Variants in WDPCP observed in about 807,000 individuals in gnomAD.
WDPCP encodes the protein WD repeat containing planar cell polarity effector.
WDPCP carries 71 observed loss-of-function variants against 93.1 expected under a neutral mutation model. The ratio of observed to expected loss-of-function variants is 0.76; its 90% CI spans 0.63 to 0.93. The LOEUF (loss-of-function observed/expected upper bound fraction) is 0.93, where lower values mean the gene tolerates loss of function less well. Among genes scored for constraint, WDPCP ranks in the 40% least tolerant of loss-of-function variants. The pLI, the probability that WDPCP is intolerant of heterozygous loss-of-function variation, is 0.00. For missense variants in WDPCP, 844 were observed against 887.4 expected (o/e 0.95, Z 0.62); for synonymous variants, 315 against 315.0 (o/e 1.00, Z 0.00).
chr2:63,837,482 G>C, the WDPCP span, among the ~76,000 whole-genome samples: 1 of 152,152 alleles, frequency 6.6e-6, no homozygotes, highest in African/African-American at 2.4e-5. Context: ...AACACTTTGG[G>C]CATGACACAG....
chr2:63,589,186 TG>T (rs1558855602), upstream of WDPCP: 1 of 1,604,472 alleles, frequency 6.2e-7, no homozygotes, highest in South Asian at 1.1e-5. Context: ...ACTCATCTTC[TG>T]GGGATTGCCG....
intron 2 of WDPCP, among the ~76,000 whole-genome samples, chr2:63,654,590 CT>C (rs1467732485): frequency 6.6e-6 from 1 of 152,168 alleles, no homozygotes; most frequent in Non-Finnish European, 1.5e-5. Flanking sequence ...GGAACATGTT[CT>C]TTAGCCACAT....
intron 3 of WDPCP, among the ~76,000 whole-genome samples, chr2:63,636,496 G>T (rs166384): frequency 0.79 from 120,203 of 152,082 alleles, 47,976 homozygotes; most frequent in East Asian, 0.98. Flanking sequence ...ATGTGAAATG[G>T]TGCAATCATG....
At chr2:63,286,388 C>G (rs1428151610) in intron 13 of WDPCP, among the ~76,000 whole-genome samples, 1 of 152,180 alleles carries the variant, frequency 6.6e-6, no homozygotes, top group Non-Finnish European at 1.5e-5. Context: ...TAATCTCCCC[C>G]ACCCTTAAGA....
intron 14 of WDPCP, among the ~76,000 whole-genome samples, chr2:63,189,354 ACT>A (rs1674870899): frequency 6.6e-6 from 1 of 151,950 alleles, no homozygotes; most frequent in African/African-American, 2.4e-5. Flanking sequence ...AATGCAATGA[ACT>A]CTCTTACCCT....
At chr2:63,761,507 C>T (rs868769417) in intron 2 of WDPCP, among the ~76,000 whole-genome samples, 10 of 152,082 alleles carry the variant, frequency 6.6e-5, no homozygotes, top group Non-Finnish European at 1.0e-4. Context: ...GTTTATTAAG[C>T]ATTAACTCAC....
At chr2:63,775,862 T>C (rs1670294194) in intron 2 of WDPCP, among the ~76,000 whole-genome samples, 1 of 152,182 alleles carries the variant, frequency 6.6e-6, no homozygotes, top group African/African-American at 2.4e-5. Context: ...CAAGACTTAC[T>C]GAATGAGGAT....
At chr2:63,739,921 A>G (rs1669690528) in intron 2 of WDPCP, among the ~76,000 whole-genome samples, 1 of 151,770 alleles carries the variant, frequency 6.6e-6, no homozygotes, top group Non-Finnish European at 1.5e-5. Flanking sequence ...CCACTATTTA[A>G]TGGGTTTTTG....
intron 14 of WDPCP, among the ~76,000 whole-genome samples, chr2:63,207,763 A>C (rs1574875528): frequency 6.6e-6 from 1 of 151,982 alleles, no homozygotes; most frequent in Admixed American, 6.6e-5. Context: ...TACTACTATA[A>C]AGTTTTTTTC....
chr2:63,480,549 T>C (rs1011079031), intron 6 of WDPCP, among the ~76,000 whole-genome samples: 1 of 152,092 alleles, frequency 6.6e-6, no homozygotes, highest in Admixed American at 6.6e-5. Context: ...CATAGACCAA[T>C]GGAACAGAAT....
chr2:63,313,876 A>ATGTGTG (rs1559312010), intron 12 of WDPCP, among the ~76,000 whole-genome samples: 19 of 4,052 alleles, frequency 4.7e-3, no homozygotes, highest in African/African-American at 0.038. Flanking sequence ...ATATATATAT[A>ATGTGTG]TATATATATA....
At chr2:63,306,691 C>G (rs529678679) in intron 13 of WDPCP, among the ~76,000 whole-genome samples, 1 of 152,234 alleles carries the variant, frequency 6.6e-6, no homozygotes, top group African/African-American at 2.4e-5. Flanking sequence ...AAATTCAACA[C>G]CACTTCATGC....
chr2:63,388,875 G>A (rs1692972060), intron 10 of WDPCP, among the ~76,000 whole-genome samples: 1 of 152,132 alleles, frequency 6.6e-6, no homozygotes, highest in South Asian at 2.1e-4. Flanking sequence ...AACGAATAAA[G>A]ACTCCAAGAA....
chr2:63,221,339 A>G (rs1677813871), intron 14 of WDPCP, among the ~76,000 whole-genome samples: 1 of 152,240 alleles, frequency 6.6e-6, no homozygotes, highest in Non-Finnish European at 1.5e-5. Flanking sequence ...AATTGCATAC[A>G]TAAACTGTGG....
intron 1 of WDPCP, among the ~76,000 whole-genome samples, chr2:63,578,344 A>G (rs1708255149): frequency 6.6e-6 from 1 of 152,236 alleles, no homozygotes; most frequent in South Asian, 2.1e-4. Flanking sequence ...ACCTACAGAC[A>G]GCGCACAGCT....
chr2:63,282,893 C>G (rs553142622), intron 13 of WDPCP, among the ~76,000 whole-genome samples: 2 of 152,168 alleles, frequency 1.3e-5, no homozygotes, highest in Non-Finnish European at 2.9e-5. Flanking sequence ...TCCCAAAACA[C>G]TTTAAATCAT....
At chr2:63,407,591 ACT>A (rs1694687674) in intron 9 of WDPCP, among the ~76,000 whole-genome samples, 4 of 151,932 alleles carry the variant, frequency 2.6e-5, no homozygotes, top group Admixed American at 6.6e-5. Context: ...TCACCTACAC[ACT>A]CTGTTTGTCC....
intron 2 of WDPCP, among the ~76,000 whole-genome samples, chr2:63,667,324 C>T (rs1202357858): frequency 1.3e-5 from 2 of 152,128 alleles, no homozygotes; most frequent in Admixed American, 6.6e-5. Flanking sequence ...GGCAGAACAG[C>T]GCTGGCAGAG....
At chr2:63,153,085 C>A in intron 16 of WDPCP, 140 bp from the exon 17 acceptor site, 1 of 692,854 alleles carries the variant, frequency 1.4e-6, no homozygotes, top group East Asian at 2.7e-5. Flanking sequence ...AATAAAAAAC[C>A]AAACCTTAAC....
Sources: allele counts gnomAD v4.1 joint callset (sites outside exome capture counted in the v4.1 genomes callset), GRCh38; gene constraint gnomAD v4.1.1; transcripts MANE v1.5; gene names NCBI Gene and HGNC (gene_info 2026-07-23, HGNC 2026-07-21).